The following UNC79 variants were observed in gnomAD, a reference collection of about 807,000 sequenced individuals.
UNC79 encodes the protein protein unc-79 homolog.
In UNC79, 37 loss-of-function variants were observed where a neutral mutation model predicts 283.1. The ratio of observed to expected loss-of-function variants is 0.13; its 90% CI spans 0.10 to 0.17. The LOEUF (loss-of-function observed/expected upper bound fraction) is 0.17. Ranked by LOEUF, UNC79 falls within the 10% of genes least tolerant of loss-of-function variation. The pLI is 1.00. For synonymous variants in UNC79, 1,107 were observed against 1,200.2 expected (o/e 0.92, Z 1.61); for missense variants, 2,272 against 3,211.1 (o/e 0.71, Z 7.07).
At chr14:93,573,808 C>T (rs2063331397) in intron 16 of UNC79, among the ~76,000 whole-genome samples, 1 of 152,294 alleles carries the variant, frequency 6.6e-6, no homozygotes, top group African/African-American at 2.4e-5. Context: ...AGTTCAAGAC[C>T]AGCCTGGCCA....
Position 93,621,926 on chromosome 14 carries a change from C to G in UNC79, c.4693C>G (p.Pro1565Ala), listed in dbSNP as rs1412952552. Residue 1565 changes from proline to alanine, a missense_variant, in exon 30 of 49, where the codon CCA (proline) becomes GCA (alanine). Physicochemically the swap from Pro to Ala is conservative, Grantham distance 27 (BLOSUM62 -1). Around this residue, in one of 11 missense-constraint regions of UNC79, gnomAD observed 580 missense variants for 632.2 expected, o/e 0.92. Coordinates refer to ENST00000555664, the Ensembl canonical transcript of UNC79. This position sits in a 1 kb window ranked among gnomAD's most constrained non-coding sequence, Gnocchi z 4.8. ...TGACAATAGTGAAATCCCCGAGAAC[C>G]CAGCTATGGAAGGGTTTCCAGATGC... The G allele has an allele frequency of 6.2e-7, 1 of 1,614,052 alleles. No homozygotes were observed. Among genetic ancestry groups the G allele is most frequent in the Non-Finnish European group, 8.5e-7 (1 of 1,180,014 alleles).
At chr14:93,609,572 A>G (rs372507021) in intron 26 of UNC79, among the ~76,000 whole-genome samples, 15 of 152,334 alleles carry the variant, frequency 9.8e-5, no homozygotes, top group Admixed American at 3.9e-4. Context: ...ACCCTTTAAC[A>G]TGTTAAATCT....
At chr14:93,465,221 G>A (rs2057124022) in intron 1 of UNC79, among the ~76,000 whole-genome samples, 1 of 151,884 alleles carries the variant, frequency 6.6e-6, no homozygotes, top group African/African-American at 2.4e-5. Flanking sequence ...CTATATGCAG[G>A]TATATATGTG....
At chr14:93,497,821 A>G (rs2059086658) in intron 7 of UNC79, among the ~76,000 whole-genome samples, 1 of 152,052 alleles carries the variant, frequency 6.6e-6, no homozygotes, top group South Asian at 2.1e-4. Flanking sequence ...CCCCGTCTCT[A>G]CTAAAAATAC....
At chr14:93,685,626 G>A (rs899746102) in intron 42 of UNC79, among the ~76,000 whole-genome samples, 4 of 152,258 alleles carry the variant, frequency 2.6e-5, no homozygotes, top group Admixed American at 1.3e-4. Context: ...AGAGCCACTG[G>A]GTGAGCTAGT....
At chr14:93,646,917 C>G (rs1374885192) in intron 35 of UNC79, among the ~76,000 whole-genome samples, 2 of 152,166 alleles carry the variant, frequency 1.3e-5, no homozygotes, top group African/African-American at 4.8e-5. Flanking sequence ...CCAATTGCAG[C>G]TCTAGAGAGC....
At chr14:93,467,017 A>G (rs1566958045) in intron 1 of UNC79, 1 of 591,678 alleles carries the variant, frequency 1.7e-6, no homozygotes, top group Non-Finnish European at 2.1e-6. Flanking sequence ...CTTTGGAAGA[A>G]AAATGTGACA....
chr14:93,534,518 T>G lies in UNC79; in HGVS notation c.1122+1940T>G, dbSNP rs536411376. On this transcript the variant is annotated intron_variant, in intron 11 of 48. Coordinates refer to ENST00000555664, the Ensembl canonical transcript of UNC79. ...CTATAATGATTTTTGAGGCAGTCCT[T>G]CCTATATTTTGGGCGTTTCAGTGTG... Among the ~76,000 whole-genome samples the G allele has an allele frequency of 6.6e-5, 10 of 152,336 alleles. No individual in the cohort carries two copies. In the East Asian group the frequency reaches 1.9e-3, roughly 29 times the overall value.
At chr14:93,397,357 G>A (rs1298313911) in intron 1 of UNC79, 1 of 152,132 alleles carries the variant, frequency 6.6e-6, no homozygotes, top group Non-Finnish European at 1.5e-5. Context: ...CTGAATTTCT[G>A]GAAGTGAGAT....
intron 1 of UNC79, among the ~76,000 whole-genome samples, chr14:93,373,941 TA>T (rs1394229962): frequency 3.9e-5 from 6 of 152,304 alleles, no homozygotes; most frequent in Admixed American, 2.6e-4. Context: ...AGGTATGCCT[TA>T]GTTGCATCCA....
At chr14:93,337,401 T>C (rs1202878945) in intron 1 of UNC79, among the ~76,000 whole-genome samples, 3 of 152,124 alleles carry the variant, frequency 2.0e-5, no homozygotes, top group Non-Finnish European at 4.4e-5. Context: ...GTGGCAGGAG[T>C]GAAAGGAGCT....
exon 30 of UNC79, chr14:93,622,375 C>T (rs781329551): frequency 1.9e-6 from 3 of 1,614,032 alleles, no homozygotes; most frequent in Non-Finnish European, 2.5e-6. Flanking sequence ...ACTCTGCCCT[C>T]ATCACTCTGG....
At chr14:93,342,185 G>A (rs182058918) in intron 1 of UNC79, among the ~76,000 whole-genome samples, 4 of 152,314 alleles carry the variant, frequency 2.6e-5, no homozygotes, top group Non-Finnish European at 5.9e-5. Flanking sequence ...ACTTCTGCCT[G>A]GACATCCAAG....
chr14:93,556,799 CA>C (rs2062202299), intron 14 of UNC79, among the ~76,000 whole-genome samples: 1 of 152,062 alleles, frequency 6.6e-6, no homozygotes, highest in Non-Finnish European at 1.5e-5. Context: ...TAATTAATAT[CA>C]TTTACCATAG....
intron 5 of UNC79, among the ~76,000 whole-genome samples, chr14:93,488,052 A>G (rs1225266996): frequency 6.6e-6 from 1 of 152,234 alleles, no homozygotes; most frequent in Non-Finnish European, 1.5e-5. Context: ...CAATTCTAAG[A>G]ACAAAAGATA....
intron 13 of UNC79, among the ~76,000 whole-genome samples, chr14:93,542,004 C>CAAAAA (rs745650977): frequency 1.8e-4 from 11 of 59,846 alleles, no homozygotes; most frequent in Middle Eastern, 0.011. Flanking sequence ...GACTCCATCT[C>CAAAAA]AAAAAAAAAA....
downstream of UNC79, chr14:93,707,840 C>T (rs905598087): frequency 3.9e-5 from 6 of 152,226 alleles, no homozygotes; most frequent in Non-Finnish European, 7.3e-5. Context: ...CACATTTAAA[C>T]TGTATATTGA....
rs761723945 is a variant in UNC79, at chr14:93,497,184, C to T, written c.796C>T (p.Pro266Ser). The change falls in exon 7 of 49, where the codon CCT (proline) becomes TCT (serine). Residue 266 changes from proline to serine, a missense_variant. By Grantham distance (74) the Pro-to-Ser change is moderately conservative. Coordinates refer to ENST00000555664, the Ensembl canonical transcript of UNC79. ...TCTTTTGTATGTGATTGCGTATGGG[C>T]CTTCACAAGTGAAGCCTCCAGCTGT... 52 of 1,613,120 alleles carry T rather than the reference C, an allele frequency of 3.2e-5. No homozygotes were observed. Among genetic ancestry groups the T allele is most frequent in the Non-Finnish European group, 4.0e-5 (47 of 1,179,916 alleles).
intron 23 of UNC79, 32 bp from the exon 24 acceptor site, chr14:93,597,327 T>G (rs767882626): frequency 6.2e-7 from 1 of 1,606,792 alleles, no homozygotes; most frequent in Non-Finnish European, 8.5e-7. Flanking sequence ...GTGTGTGTAT[T>G]TACGTATTTT....
Sources: allele counts gnomAD v4.1 joint callset (sites outside exome capture counted in the v4.1 genomes callset), GRCh38; gene constraint gnomAD v4.1.1; regional missense constraint gnomAD v4.1.1; non-coding constraint Gnocchi (gnomAD v3.1); transcripts MANE v1.5; gene names NCBI Gene and HGNC (gene_info 2026-07-23, HGNC 2026-07-21).